The following SAMD3 variants were observed in gnomAD, a reference collection of about 807,000 sequenced individuals.
SAMD3 encodes the protein sterile alpha motif domain-containing protein 3.
A neutral mutation model predicts 58.5 loss-of-function variants in SAMD3; 63 were observed. That is an observed-to-expected ratio of 1.08 (90% confidence interval 0.88 to 1.33). The LOEUF (loss-of-function observed/expected upper bound fraction) is 1.33. Among genes scored for constraint, SAMD3 ranks in the 40% most tolerant of loss-of-function variants. The probability of loss-of-function intolerance (pLI) is 0.00; values close to 1 mark genes in which losing one functional copy is unlikely to be tolerated. For missense variants in SAMD3, 604 were observed against 608.4 expected (o/e 0.99, Z 0.08); for synonymous variants, 220 against 210.3 (o/e 1.05, Z -0.40).
chr6:130,305,555 C>T (rs987816838), intron 2 of SAMD3, among the ~76,000 whole-genome samples: 1 of 152,008 alleles, frequency 6.6e-6, no homozygotes, highest in African/African-American at 2.4e-5. Context: ...TGTAGATTCC[C>T]TTTTTCATGT....
In SAMD3 at chr6:130,325,824, C is replaced by T. The variant is rs576377652; in HGVS notation, c.-303-12731G>A. On this transcript the variant is annotated intron_variant, in intron 1 of 13. Transcript: ENST00000368134. ...GTTCCTGAACTCATCATCATCCTCT[C>T]CTCCCACAGTAATACCGATTTAGAG... 5.3e-5 allele frequency among the ~76,000 whole-genome samples: 8 copies of T among 152,164 alleles called. No individual in the cohort carries two copies. The South Asian group carries it at 1.7e-3, about 32-fold the overall frequency.
chr6:130,143,808 C>CTT (rs1179288888), downstream of SAMD3: 1 of 152,200 alleles, frequency 6.6e-6, no homozygotes, highest in African/African-American at 2.4e-5. Context: ...CCAAAAAGTA[C>CTT]TTATGCAGCC....
chr6:130,192,816 C>T (rs1248892674), intron 5 of SAMD3, among the ~76,000 whole-genome samples: 2 of 152,204 alleles, frequency 1.3e-5, no homozygotes, highest in African/African-American at 4.8e-5. Context: ...CTCAGGTCTT[C>T]AGACCAACCA....
At chr6:130,215,659 A>G (rs1290269630) in intron 2 of SAMD3, 2 of 1,403,602 alleles carry the variant, frequency 1.4e-6, no homozygotes, top group Non-Finnish European at 9.2e-7. Context: ...AAGGTGTGAA[A>G]TTCACCACTA....
chr6:130,246,508 G>A (rs1320000712), intron 2 of SAMD3, among the ~76,000 whole-genome samples: 6 of 129,488 alleles, frequency 4.6e-5, no homozygotes, highest in Admixed American at 2.9e-4. Context: ...ACTTGTATTG[G>A]TATTTTTTTT....
chr6:130,153,890 G>A (rs1481523366), intron 9 of SAMD3, among the ~76,000 whole-genome samples: 3 of 151,304 alleles, frequency 2.0e-5, no homozygotes, highest in Non-Finnish European at 2.9e-5. Context: ...TTGCTGAGGC[G>A]GGTCTTGAAC....
chr6:130,213,290 C>T (rs933515866), intron 4 of SAMD3, among the ~76,000 whole-genome samples: 10 of 151,384 alleles, frequency 6.6e-5, no homozygotes, highest in African/African-American at 2.4e-4. Flanking sequence ...AGACTGAGAC[C>T]CATCTCTAAA....
intron 8 of SAMD3, among the ~76,000 whole-genome samples, chr6:130,158,479 A>G (rs1374935427): frequency 1.3e-5 from 2 of 152,122 alleles, no homozygotes; most frequent in Non-Finnish European, 2.9e-5. Flanking sequence ...TTTTCTATCC[A>G]TAAGGAAAAA....
chr6:130,308,353 CTATTCTAT>C (rs1775981790), intron 2 of SAMD3, among the ~76,000 whole-genome samples: 1 of 12,742 alleles, frequency 7.8e-5, no homozygotes, highest in Admixed American at 7.9e-4. Context: ...TCATAGAATT[CTATTCTAT>C]TCTATTCTAT....
At chr6:130,300,608 G>A (rs1007004920) in intron 2 of SAMD3, among the ~76,000 whole-genome samples, 1 of 152,062 alleles carries the variant, frequency 6.6e-6, no homozygotes, top group African/African-American at 2.4e-5. Flanking sequence ...ATTCAACATA[G>A]TACTGAAAGT....
chr6:130,243,323 C>G (rs1461092718), intron 2 of SAMD3, among the ~76,000 whole-genome samples: 3 of 152,150 alleles, frequency 2.0e-5, no homozygotes, highest in Non-Finnish European at 2.9e-5. Flanking sequence ...CCAGACTTTG[C>G]TGAGTCCTTC....
intron 8 of SAMD3, among the ~76,000 whole-genome samples, chr6:130,173,835 G>A (rs1462313107): frequency 1.3e-5 from 2 of 152,228 alleles, no homozygotes; most frequent in African/African-American, 2.4e-5. Context: ...ATGGAGATGG[G>A]GATTATGTCT....
chr6:130,150,499 T>G (rs148630616), intron 9 of SAMD3, among the ~76,000 whole-genome samples: 47 of 152,268 alleles, frequency 3.1e-4, no homozygotes, highest in African/African-American at 1.1e-3. Flanking sequence ...TAAATTTTGT[T>G]CTGATAGGCA....
rs1447597138 is a variant in SAMD3 at position 130,144,673 on chromosome 6, T to C, written c.1410A>G (p.Val470=). Residue 470 remains valine (V), a synonymous_variant, in exon 12 of 12, where the codon GTA becomes GTG. Coordinates refer to ENST00000439090, the MANE Select transcript of SAMD3 (RefSeq NM_001017373.4). ...CAATCCTAAATACATGAAAGGCAGC[T>C]ACTAGCGCAGCCAAGGCTGTAACAC... ...DDCVTALAAL[V]AAFHVFRIEC... 6.2e-7 allele frequency: 1 copy of C among 1,614,158 alleles called. No individual in the cohort carries two copies. The highest frequency in any genetic ancestry group is 2.2e-5 in the East Asian group (1 of 44,866).
intron 1 of SAMD3, among the ~76,000 whole-genome samples, chr6:130,345,565 A>G (rs557273103): frequency 6.6e-6 from 1 of 152,196 alleles, no homozygotes; most frequent in East Asian, 1.9e-4. Context: ...GGACATGGGG[A>G]TAAGGACTGT....
intron 2 of SAMD3, among the ~76,000 whole-genome samples, chr6:130,300,927 C>T (rs374120363): frequency 6.6e-6 from 1 of 152,064 alleles, no homozygotes; most frequent in Non-Finnish European, 1.5e-5. Flanking sequence ...CCCATCAACT[C>T]GTCATTTACA....
At chr6:130,315,892 A>T (rs928411096) in intron 1 of SAMD3, among the ~76,000 whole-genome samples, 1 of 152,186 alleles carries the variant, frequency 6.6e-6, no homozygotes, top group African/African-American at 2.4e-5. Flanking sequence ...GGACTTTGTG[A>T]CTTCCATAAA....
chr6:130,308,699 T>A (rs990543), intron 2 of SAMD3, among the ~76,000 whole-genome samples: 24,580 of 152,052 alleles, frequency 0.16, 2,225 homozygotes, highest in East Asian at 0.36. Flanking sequence ...TTGACCCCAA[T>A]ATAGAAGTAA....
chr6:130,262,952 T>C (rs1249358836), intron 2 of SAMD3, among the ~76,000 whole-genome samples: 2 of 152,156 alleles, frequency 1.3e-5, no homozygotes, highest in Non-Finnish European at 1.5e-5. Context: ...ACCTGCTCTT[T>C]AGCAAAAATT....
Sources: allele counts gnomAD v4.1 joint callset (sites outside exome capture counted in the v4.1 genomes callset), GRCh38; gene constraint gnomAD v4.1.1; transcripts MANE v1.5; gene names NCBI Gene and HGNC (gene_info 2026-07-23, HGNC 2026-07-21).